The following GRIA1 variants were observed in gnomAD, a reference collection of about 807,000 sequenced individuals.
The protein encoded by GRIA1 is glutamate receptor 1.
In GRIA1, 31 loss-of-function variants were observed where a neutral mutation model predicts 99.2. That is an observed-to-expected ratio of 0.31 (90% CI 0.23 to 0.42). The LOEUF (loss-of-function observed/expected upper bound fraction) is 0.42. Among genes scored for constraint, GRIA1 ranks in the 10% least tolerant of loss-of-function variants. The pLI is 1.00. For missense variants in GRIA1, 782 were observed against 1,157.5 expected, an observed-to-expected ratio of 0.68 and a Z score of 4.71; for synonymous variants, 438 against 432.4, an observed-to-expected ratio of 1.01 and a Z score of -0.16.
chr5:153,600,391 CAAAAAAAAAA>C (rs57395601), intron 2 of GRIA1, among the ~76,000 whole-genome samples: 3,245 of 51,688 alleles, frequency 0.063, 82 homozygotes, highest in Middle Eastern at 0.16. Flanking sequence ...GACTCCATCT[CAAAAAAAAAA>C]AAAAAAAAAA....
chr5:153,750,127 C>T (rs1480499506), intron 11 of GRIA1, among the ~76,000 whole-genome samples: 2 of 152,228 alleles, frequency 1.3e-5, no homozygotes, highest in Middle Eastern at 3.4e-3. Context: ...GCCACTCAGA[C>T]GCAGCATCTT....
intron 8 of GRIA1, among the ~76,000 whole-genome samples, chr5:153,689,599 A>G (rs1430001618): frequency 6.6e-6 from 1 of 152,136 alleles, no homozygotes; most frequent in Non-Finnish European, 1.5e-5. Context: ...GAAGCCAGAG[A>G]CTTCTATGCC....
At chr5:153,599,887 G>A (rs1160358566) in intron 2 of GRIA1, among the ~76,000 whole-genome samples, 4 of 152,258 alleles carry the variant, frequency 2.6e-5, no homozygotes, top group African/African-American at 9.6e-5. Flanking sequence ...AAAGAAAAAT[G>A]TGCCTGAGAA....
intron 11 of GRIA1, among the ~76,000 whole-genome samples, chr5:153,730,553 G>C (rs962356414): frequency 2.6e-5 from 4 of 152,052 alleles, no homozygotes; most frequent in African/African-American, 9.7e-5. Context: ...AATAAAATAA[G>C]TAGGAAAGTG....
chr5:153,723,596 C>G (rs10071192), intron 11 of GRIA1, among the ~76,000 whole-genome samples: 80,728 of 151,998 alleles, frequency 0.53, 22,314 homozygotes, highest in East Asian at 0.94. Flanking sequence ...ATTATATCCC[C>G]CACCTGGCTC....
intron 13 of GRIA1, among the ~76,000 whole-genome samples, chr5:153,772,974 A>G (rs1463757192): frequency 6.6e-6 from 1 of 152,086 alleles, no homozygotes. Flanking sequence ...TCCCACACAT[A>G]GTTTCCTGGA....
At chr5:153,551,077 A>G (rs544729808) in intron 2 of GRIA1, among the ~76,000 whole-genome samples, 1 of 152,230 alleles carries the variant, frequency 6.6e-6, no homozygotes, top group Non-Finnish European at 1.5e-5. Flanking sequence ...GCTATTATTC[A>G]TAACTGGCTC....
intron 2 of GRIA1, among the ~76,000 whole-genome samples, chr5:153,624,178 A>C (rs1362949765): frequency 1.3e-5 from 2 of 152,192 alleles, no homozygotes; most frequent in Admixed American, 6.5e-5. Context: ...TAACTCAGTT[A>C]TTGGGTATAT....
intron 13 of GRIA1, among the ~76,000 whole-genome samples, chr5:153,790,979 T>C (rs1765257976): frequency 6.6e-6 from 1 of 152,206 alleles, no homozygotes; most frequent in South Asian, 2.1e-4. Flanking sequence ...ACATGTGAAA[T>C]ACAACCTTTT....
rs189207601 is a variant in GRIA1, at chr5:153,745,156, G to T, written c.1824-19278G>T. On this transcript the variant is annotated intron_variant, in intron 11 of 15. Coordinates refer to ENST00000285900, the MANE Select transcript of GRIA1 (RefSeq NM_000827.4). ...GTGTGTTCCTCTAGATTTTTCTCAC[G>T]TCTAGATTATTCTCAACCTTCGGCT... Among the ~76,000 whole-genome samples, 13 of 152,064 alleles carry T rather than the reference G, an allele frequency of 8.5e-5. No individual in the cohort carries two copies. In the East Asian group the frequency reaches 2.5e-3, roughly 29 times the overall value.
chr5:153,587,275 CTTGTTT>C (rs1469295106), intron 2 of GRIA1, among the ~76,000 whole-genome samples: 1 of 152,120 alleles, frequency 6.6e-6, no homozygotes, highest in African/African-American at 2.4e-5. Flanking sequence ...CTCTCTCACT[CTTGTTT>C]TTGCCATGTG....
At chr5:153,622,948 A>C (rs1767202429) in intron 2 of GRIA1, among the ~76,000 whole-genome samples, 1 of 152,208 alleles carries the variant, frequency 6.6e-6, no homozygotes, top group East Asian at 1.9e-4. Context: ...TTCTCAAAGG[A>C]AGAAATGTAT....
intron 2 of GRIA1, among the ~76,000 whole-genome samples, chr5:153,518,702 A>T (rs1756851067): frequency 6.6e-6 from 1 of 152,114 alleles, no homozygotes. Flanking sequence ...TTATGCAAGT[A>T]TTTTTTTTCA....
Position 153,813,560 on chromosome 5 carries a change from A to G in GRIA1, c.*2335A>G, listed in dbSNP as rs1334082670. The G allele has an allele frequency of 2.6e-5, 4 of 152,178 alleles. No homozygotes were observed. The highest frequency in any genetic ancestry group is 4.4e-5 in the Non-Finnish European group (3 of 68,032). The allele number at this position is 152,178 out of a possible 1,614,324, so 9.4% of individuals were successfully genotyped here. A position where few individuals can be genotyped will look rare whatever the true frequency, so the allele number is the denominator to read the frequency against. On this transcript the variant is annotated 3_prime_UTR_variant, in exon 16 of 16. Transcript: ENST00000285900. ...AGAAAAAAGTTAACTTGTATTATGT[A>G]TTTTTACTACACTTTTCTTAAAAAT...
intron 2 of GRIA1, among the ~76,000 whole-genome samples, chr5:153,518,376 G>A (rs1756825401): frequency 1.3e-5 from 2 of 152,134 alleles, no homozygotes; most frequent in South Asian, 2.1e-4. Context: ...CTAGTCTGGG[G>A]TTAGCACAGA....
chr5:153,513,482 G>T (rs73284013), intron 2 of GRIA1, among the ~76,000 whole-genome samples: 10 of 152,288 alleles, frequency 6.6e-5, no homozygotes, highest in East Asian at 1.9e-4. Flanking sequence ...CAGGAAAAAG[G>T]CTTGATTTTT....
intron 2 of GRIA1, among the ~76,000 whole-genome samples, chr5:153,539,083 A>G (rs1259223567): frequency 6.6e-6 from 1 of 152,232 alleles, no homozygotes; most frequent in Non-Finnish European, 1.5e-5. Flanking sequence ...TGATTAAATT[A>G]GGTCACTGTT....
chr5:153,736,283 A>G (rs1761372872), intron 11 of GRIA1, among the ~76,000 whole-genome samples: 2 of 152,220 alleles, frequency 1.3e-5, no homozygotes, highest in South Asian at 4.1e-4. Flanking sequence ...AATTCTTTCT[A>G]TAAAGAGACT....
At chr5:153,674,438 A>T in intron 5 of GRIA1, 62 bp from the exon 6 acceptor site, 1 of 1,580,658 alleles carries the variant, frequency 6.3e-7, no homozygotes, top group Non-Finnish European at 8.7e-7. Context: ...TGGTTTTGGA[A>T]CAGGTTAAGT....
Sources: allele counts gnomAD v4.1 joint callset (sites outside exome capture counted in the v4.1 genomes callset), GRCh38; gene constraint gnomAD v4.1.1; transcripts MANE v1.5; gene names NCBI Gene and HGNC (gene_info 2026-07-23, HGNC 2026-07-21).